The following ARHGAP18 variants were observed in gnomAD, a reference collection of about 807,000 sequenced individuals.
ARHGAP18 encodes the protein rho GTPase-activating protein 18.
In ARHGAP18, 67 loss-of-function variants were observed where a neutral mutation model predicts 86.2. The ratio of observed to expected loss-of-function variants is 0.78; its 90% CI spans 0.64 to 0.95. The LOEUF (loss-of-function observed/expected upper bound fraction) is 0.95, where lower values mean the gene tolerates loss of function less well. Among genes scored for constraint, ARHGAP18 ranks in the 40% least tolerant of loss-of-function variants. The pLI, the probability that ARHGAP18 is intolerant of heterozygous loss-of-function variation, is 0.00. For missense variants in ARHGAP18, 691 were observed against 780.4 expected (o/e 0.89, Z 1.37); for synonymous variants, 283 against 280.4 (o/e 1.01, Z -0.09).
intron 1 of ARHGAP18, among the ~76,000 whole-genome samples, chr6:129,684,293 A>C (rs535278878): frequency 3.3e-5 from 5 of 152,254 alleles, no homozygotes; most frequent in Non-Finnish European, 7.3e-5. Flanking sequence ...TCAGTACCCT[A>C]GTTAAAATAT....
chr6:129,599,388 A>G, intron 11 of ARHGAP18, 32 bp from the exon 12 acceptor site: 1 of 1,423,632 alleles, frequency 7.0e-7, no homozygotes. Context: ...CTTAGAGAGG[A>G]AAAAGAAATG....
chr6:129,586,885 C>T (rs1024159900), intron 12 of ARHGAP18, among the ~76,000 whole-genome samples: 1 of 152,082 alleles, frequency 6.6e-6, no homozygotes, highest in African/African-American at 2.4e-5. Flanking sequence ...TCTCTGCTAA[C>T]CATTTTCAAG....
At position 129,705,647 on chromosome 6, in the gene ARHGAP18, G is replaced by A. The variant is rs969753492; in HGVS notation, c.113+4377C>T. ...ATGACAAAATAATATTCAGAAAAAC[G>A]CTTCTGAAACAAGGGAGAATATTCT... On this transcript the variant is annotated intron_variant, in intron 1 of 14. Coordinates refer to ENST00000368149, the MANE Select transcript of ARHGAP18 (RefSeq NM_033515.3). Among the ~76,000 whole-genome samples, 4 of 152,098 alleles carry A rather than the reference G, an allele frequency of 2.6e-5. No homozygotes were observed. In the East Asian group the frequency reaches 5.8e-4, roughly 22 times the overall value.
chr6:129,625,075 TATATATGATATATG>T (rs1314227884), intron 5 of ARHGAP18, among the ~76,000 whole-genome samples: 1 of 105,176 alleles, frequency 9.5e-6, no homozygotes, highest in African/African-American at 4.0e-5. Context: ...TTATATATAA[TATATATGATATATG>T]ATATATGATA....
intron 1 of ARHGAP18, among the ~76,000 whole-genome samples, chr6:129,691,840 T>C (rs777441116): frequency 1.3e-5 from 2 of 152,116 alleles, no homozygotes; most frequent in Non-Finnish European, 2.9e-5. Flanking sequence ...AGCCATGTGC[T>C]CCAGGAAGTG....
intron 1 of ARHGAP18, among the ~76,000 whole-genome samples, chr6:129,688,286 T>A (rs1238614866): frequency 6.6e-6 from 1 of 152,190 alleles, no homozygotes; most frequent in Non-Finnish European, 1.5e-5. Context: ...AACCTGAAAC[T>A]TTCTCTGATC....
chr6:129,626,105 C>CACACACACACAT (rs1425322925), intron 5 of ARHGAP18, among the ~76,000 whole-genome samples: 50 of 124,914 alleles, frequency 4.0e-4, no homozygotes, highest in African/African-American at 7.7e-4. Flanking sequence ...CACACACACA[C>CACACACACACAT]ATATATAGAA....
chr6:129,625,435 A>AC (rs1789381020), intron 5 of ARHGAP18, among the ~76,000 whole-genome samples: 1 of 48,718 alleles, frequency 2.1e-5, no homozygotes, highest in East Asian at 7.3e-4. Flanking sequence ...TATTATATAT[A>AC]ATATATATTT....
chr6:129,700,376 G>C (rs930342102), intron 1 of ARHGAP18, among the ~76,000 whole-genome samples: 1 of 152,090 alleles, frequency 6.6e-6, no homozygotes, highest in African/African-American at 2.4e-5. Context: ...CCAAACTGAA[G>C]CATTAAAGGT....
chr6:129,597,848 C>G (rs1788646051), intron 12 of ARHGAP18, among the ~76,000 whole-genome samples: 1 of 152,098 alleles, frequency 6.6e-6, no homozygotes, highest in Non-Finnish European at 1.5e-5. Context: ...ATTCTCAGAC[C>G]AGATCATGTC....
chr6:129,669,549 G>A (rs1474938010), intron 1 of ARHGAP18, among the ~76,000 whole-genome samples: 1 of 151,554 alleles, frequency 6.6e-6, no homozygotes, highest in Non-Finnish European at 1.5e-5. Context: ...ACTTTGGGAG[G>A]ACAAGGCGGG....
intron 1 of ARHGAP18, among the ~76,000 whole-genome samples, chr6:129,698,778 C>T (rs750524727): frequency 1.3e-5 from 2 of 151,382 alleles, no homozygotes; most frequent in Non-Finnish European, 2.9e-5. Context: ...CTGCAACCTC[C>T]GCCTAATGGG....
chr6:129,613,060 C>T (rs954962094), intron 7 of ARHGAP18, among the ~76,000 whole-genome samples: 6 of 151,674 alleles, frequency 4.0e-5, no homozygotes, highest in Non-Finnish European at 7.4e-5. Context: ...GGTGAAACCC[C>T]GTCTCTACTA....
At chr6:129,705,221 G>A (rs1346231456) in intron 1 of ARHGAP18, among the ~76,000 whole-genome samples, 1 of 152,194 alleles carries the variant, frequency 6.6e-6, no homozygotes, top group Non-Finnish European at 1.5e-5. Context: ...GAATGATTAT[G>A]CTTGCAGAAC....
At chr6:129,625,954 ATTATATAT>A (rs1789452670) in intron 5 of ARHGAP18, among the ~76,000 whole-genome samples, 1 of 58,554 alleles carries the variant, frequency 1.7e-5, no homozygotes. Context: ...ATATTTATAT[ATTATATAT>A]TTATATATTA....
At chr6:129,604,085 A>G (rs1788803390) in intron 10 of ARHGAP18, among the ~76,000 whole-genome samples, 3 of 152,142 alleles carry the variant, frequency 2.0e-5, no homozygotes. Flanking sequence ...CAAATGTTCT[A>G]TTATTAAAGT....
At chr6:129,613,159 A>G (rs6900735) in intron 7 of ARHGAP18, among the ~76,000 whole-genome samples, 89,172 of 150,444 alleles carry the variant, frequency 0.59, 27,342 homozygotes, top group African/African-American at 0.73. Context: ...TGTGAACCCC[A>G]GAGGCGGAGC....
At chr6:129,625,800 ATTATATATTATATAT>A (rs1346314380) in intron 5 of ARHGAP18, among the ~76,000 whole-genome samples, 3 of 70,188 alleles carry the variant, frequency 4.3e-5, no homozygotes, top group Non-Finnish European at 7.3e-5. Flanking sequence ...ATATTTTTAT[ATTATATATTATATAT>A]TTATATATTA....
intron 1 of ARHGAP18, among the ~76,000 whole-genome samples, chr6:129,693,797 T>A (rs1196092883): frequency 6.6e-6 from 1 of 152,164 alleles, no homozygotes; most frequent in African/African-American, 2.4e-5. Flanking sequence ...GGATAATAAT[T>A]CTCATCTTAT....
Sources: gnomAD v4.1 joint callset for allele counts (sites outside exome capture counted in the v4.1 genomes callset) on GRCh38, gnomAD v4.1.1 for gene constraint, MANE v1.5 for transcripts, NCBI Gene and HGNC (gene_info 2026-07-23, HGNC 2026-07-21) for gene names.